Variants in ZFPM2 observed in about 807,000 individuals in gnomAD.
ZFPM2 encodes the protein zinc finger protein ZFPM2.
A neutral mutation model predicts 98.6 loss-of-function variants in ZFPM2; 20 were observed. The ratio of observed to expected loss-of-function variants is 0.20; its 90% confidence interval spans 0.14 to 0.29. The LOEUF (loss-of-function observed/expected upper bound fraction) is 0.29, where lower values mean the gene tolerates loss of function less well. ZFPM2 is among the 10% of genes least tolerant of loss of function. The pLI, the probability that ZFPM2 is intolerant of heterozygous loss-of-function variation, is 1.00. For missense variants in ZFPM2, 1,310 were observed against 1,388.6 expected (o/e 0.94, Z 0.90); for synonymous variants, 518 against 502.7 (o/e 1.03, Z -0.41).
In ZFPM2 at chr8:105,775,308, C is replaced by G. The variant is rs150359906; in HGVS notation, c.533-13410C>G. On this transcript the variant is annotated intron_variant, in intron 5 of 7. Coordinates refer to ENST00000407775, the MANE Select transcript of ZFPM2 (RefSeq NM_012082.4). ...AGCAGGCAGAGTGTTTCATTTCCCC[C>G]CCTCCCCTCTTCTTTTTCCCTCCAC... 4.5e-3 allele frequency among the ~76,000 whole-genome samples: 677 copies of G among 152,050 alleles called. 7 individuals carry two copies. Among genetic ancestry groups the G allele is most frequent in the Admixed American group, 0.031 (477 of 15,266 alleles).
intron 5 of ZFPM2, among the ~76,000 whole-genome samples, chr8:105,677,558 G>C (rs1389352117): frequency 6.6e-6 from 1 of 151,004 alleles, no homozygotes; most frequent in African/African-American, 2.4e-5. Flanking sequence ...TGAATTCCAT[G>C]ATCTGTATTG....
chr8:105,789,065 A>G, intron 6 of ZFPM2, 141 bp downstream of exon 6: 1 of 683,088 alleles, frequency 1.5e-6, no homozygotes, highest in Non-Finnish European at 2.3e-6. Flanking sequence ...CTTTTTAAAT[A>G]TTTAATTTGA....
chr8:105,447,260 T>A (rs890455421), intron 3 of ZFPM2, among the ~76,000 whole-genome samples: 16 of 151,726 alleles, frequency 1.1e-4, no homozygotes, highest in African/African-American at 3.9e-4. Context: ...TAGGTTCAAT[T>A]CTGGATTTAA....
chr8:105,707,328 A>G (rs1362732920), intron 5 of ZFPM2, among the ~76,000 whole-genome samples: 4 of 152,086 alleles, frequency 2.6e-5, no homozygotes, highest in East Asian at 1.9e-4. Context: ...GTGAGGCTCT[A>G]TGTAAAGGTG....
At chr8:105,478,843 C>T (rs759372969) in intron 3 of ZFPM2, among the ~76,000 whole-genome samples, 8 of 152,160 alleles carry the variant, frequency 5.3e-5, no homozygotes, top group Non-Finnish European at 7.4e-5. Flanking sequence ...ATTCAGTTAT[C>T]CTACTCTAGC....
chr8:105,612,272 A>G lies in ZFPM2; in HGVS notation c.421-21974A>G, dbSNP rs190850318. On this transcript the variant is annotated intron_variant, in intron 4 of 7. Coordinates refer to ENST00000407775, the MANE Select transcript of ZFPM2 (RefSeq NM_012082.4). The stretch of plus-strand genomic sequence containing the variant: ...TCTATTTACTGCATTTCAAAAGGGC[A>G]TTTTTACTATAAAATAGCTGATTTG... 7.5e-4 allele frequency among the ~76,000 whole-genome samples: 114 copies of G among 152,220 alleles called. 1 individual carries two copies. In the East Asian group the frequency reaches 0.02, roughly 27 times the overall value.
chr8:105,499,580 A>C (rs1352781848), intron 3 of ZFPM2, among the ~76,000 whole-genome samples: 2 of 152,212 alleles, frequency 1.3e-5, no homozygotes, highest in African/African-American at 4.8e-5. Context: ...GAAGGAGAGA[A>C]GATTCCATGG....
chr8:105,357,627 T>G (rs1812773629), intron 1 of ZFPM2, among the ~76,000 whole-genome samples: 1 of 152,192 alleles, frequency 6.6e-6, no homozygotes, highest in African/African-American at 2.4e-5. Context: ...GGTTTATGTT[T>G]CTTCTAGAAA....
chr8:105,522,803 G>T (rs1814092210), intron 3 of ZFPM2, among the ~76,000 whole-genome samples: 1 of 152,006 alleles, frequency 6.6e-6, no homozygotes, highest in Admixed American at 6.6e-5. Context: ...TGTTATTTCA[G>T]TTTGAAATTA....
At chr8:105,762,129 C>T (rs1812746194) in intron 5 of ZFPM2, among the ~76,000 whole-genome samples, 1 of 151,900 alleles carries the variant, frequency 6.6e-6, no homozygotes, top group Non-Finnish European at 1.5e-5. Flanking sequence ...TTGTACTGCT[C>T]CTTCCCATAA....
At chr8:105,333,441 C>A (rs1404588262) in intron 1 of ZFPM2, among the ~76,000 whole-genome samples, 1 of 151,692 alleles carries the variant, frequency 6.6e-6, no homozygotes, top group Non-Finnish European at 1.5e-5. Context: ...TATGCATTAG[C>A]TTAGTTTTAT....
intron 5 of ZFPM2, among the ~76,000 whole-genome samples, chr8:105,776,912 A>C (rs1813118202): frequency 6.6e-6 from 1 of 152,236 alleles, no homozygotes; most frequent in Non-Finnish European, 1.5e-5. Context: ...TTTAAATTAT[A>C]TATAACATAT....
At chr8:105,753,546 A>C (rs1812523861) in intron 5 of ZFPM2, among the ~76,000 whole-genome samples, 1 of 152,166 alleles carries the variant, frequency 6.6e-6, no homozygotes, top group Admixed American at 6.6e-5. Context: ...TATGTTTAAG[A>C]AAAAGAAAAT....
intron 2 of ZFPM2, among the ~76,000 whole-genome samples, chr8:105,443,337 A>T (rs781541219): frequency 3.3e-5 from 5 of 151,304 alleles, no homozygotes; most frequent in Admixed American, 6.6e-5. Flanking sequence ...AAAAAAAAAA[A>T]AACTTGGCAT....
chr8:105,451,245 A>G (rs1257171052), intron 3 of ZFPM2, among the ~76,000 whole-genome samples: 1 of 152,172 alleles, frequency 6.6e-6, no homozygotes, highest in Non-Finnish European at 1.5e-5. Flanking sequence ...TTTTCATTGC[A>G]GTGACCTTTT....
chr8:105,368,442 T>C (rs1411322820), intron 1 of ZFPM2, among the ~76,000 whole-genome samples: 2 of 152,216 alleles, frequency 1.3e-5, no homozygotes, highest in African/African-American at 4.8e-5. Context: ...TCTTTCCACT[T>C]TGAGCCCAAT....
rs1241693593 is a variant in ZFPM2, at chr8:105,773,487, G to C, written c.533-15231G>C. The stretch of plus-strand genomic sequence containing the variant: ...CATGATATGAAAATATTCATTTGGA[G>C]TAAAAAAATAGTTTTTAAAAATAAA... On this transcript the variant is annotated intron_variant, in intron 5 of 7. Transcript: ENST00000407775. Among the ~76,000 whole-genome samples, 5 of 151,794 alleles carry C rather than the reference G, an allele frequency of 3.3e-5. No individual in the cohort carries two copies. The East Asian group carries it at 7.8e-4, about 24-fold the overall frequency.
chr8:105,335,343 C>A (rs181979850), intron 1 of ZFPM2, among the ~76,000 whole-genome samples: 3 of 151,802 alleles, frequency 2.0e-5, no homozygotes, highest in Admixed American at 2.0e-4. Flanking sequence ...TCTGAACAAC[C>A]TAGGTAGTGC....
intron 5 of ZFPM2, among the ~76,000 whole-genome samples, chr8:105,701,188 A>G (rs1309536431): frequency 6.6e-6 from 1 of 152,202 alleles, no homozygotes; most frequent in Non-Finnish European, 1.5e-5. Flanking sequence ...AATATTTGAA[A>G]TATATTTTTA....
Sources: allele counts gnomAD v4.1 joint callset (sites outside exome capture counted in the v4.1 genomes callset), GRCh38; gene constraint gnomAD v4.1.1; transcripts MANE v1.5; gene names NCBI Gene and HGNC (gene_info 2026-07-23, HGNC 2026-07-21).